The following HSPG2 variants were observed in gnomAD, a reference collection of about 807,000 sequenced individuals.
The protein encoded by HSPG2 is heparan sulfate proteoglycan 2.
HSPG2 carries 278 observed loss-of-function variants against 526.6 expected under a neutral mutation model. That is an observed-to-expected ratio of 0.53 (90% confidence interval 0.48 to 0.58). The LOEUF is 0.58. HSPG2 is among the 20% of genes least tolerant of loss of function. HSPG2 has a pLI of 0.00. For synonymous variants in HSPG2, 2,465 were observed against 2,555.4 expected (o/e 0.96, Z 1.07); for missense variants, 5,354 against 6,099.5 (o/e 0.88, Z 4.07).
chr1:21,884,683 C>T lies in HSPG2; in HGVS notation c.1508-9G>A, dbSNP rs538216424. The T allele has an allele frequency of 3.7e-5, 60 of 1,610,686 alleles. No individual in the cohort carries two copies. The East Asian group carries it at 1.1e-3, about 29-fold the overall frequency. On this transcript the variant is annotated splice_polypyrimidine_tract_variant and intron_variant, in intron 12 of 96. Coordinates refer to ENST00000374695, the MANE Select transcript of HSPG2 (RefSeq NM_005529.7). The stretch of plus-strand genomic sequence containing the variant: ...GCCGTCAGGGCAGGGGCCTGCTGGG[C>T]GGCATGGGCGGGGGCTGCAGCCGGC...
intron 83 of HSPG2, 40 bp from the exon 84 acceptor site, chr1:21,831,364 T>G: frequency 6.3e-7 from 1 of 1,595,410 alleles, no homozygotes. Context: ...GGGCAGGGTG[T>G]CCCAGCCCAT....
rs559108877 is a variant in HSPG2 at position 21,887,811 on chromosome 1, C to T, written c.703+127G>A. The T allele has an allele frequency of 1.3e-6, 2 of 1,569,730 alleles. No homozygotes were observed. Among genetic ancestry groups the T allele is most frequent in the Admixed American group, 1.7e-5 (1 of 59,910 alleles). ...CCCCCTGCCTGGCTCTGTCATCACC[C>T]TTCCTATGCCCCCATCCTCTGCCTG... On this transcript the variant is annotated intron_variant, in intron 7 of 96. Transcript: ENST00000374695. This position sits in a 1 kb window ranked among gnomAD's most constrained non-coding sequence, Gnocchi z 5.0.
chr1:21,872,956 G>A lies in HSPG2; in HGVS notation c.3888+41C>T, dbSNP rs79545095. 3.7e-3 allele frequency: 5,830 copies of A among 1,584,840 alleles called. 203 individuals carry two copies. In the African/African-American group the frequency reaches 0.069, roughly 19 times the overall value. The stretch of plus-strand genomic sequence containing the variant: ...GATTTCCCCGCAGGGTCTGGGCAGC[G>A]GGGCAGAGCAGGCCCCGCAGGGACA... On this transcript the variant is annotated intron_variant, in intron 31 of 96. Transcript: ENST00000374695. This position sits in a 1 kb window ranked among gnomAD's most constrained non-coding sequence, Gnocchi z 5.5.
rs1469802400 is a variant in HSPG2, at chr1:21,854,351, A to G, written c.6289-8T>C. The G allele has an allele frequency of 6.4e-7, 1 of 1,563,462 alleles. No homozygotes were observed. Among genetic ancestry groups the G allele is most frequent in the South Asian group, 1.2e-5 (1 of 85,008 alleles). On this transcript the variant is annotated splice_polypyrimidine_tract_variant and splice_region_variant and intron_variant, in intron 49 of 96. Transcript: ENST00000374695. ...CAGACGGGAGCCGTGCACCTGGGCC[A>G]GGAGGAGCCAGAGGTACGTGAGGAC...
chr1:21,847,303 C>G lies in HSPG2; in HGVS notation c.8164+51G>C. Reference sequence around the variant, plus strand: ...ACTCTGACCTGAAAGTTCCTTCTCCCCAGGGAACACTGTTGCCTGCATCCC... The same window carrying G: ...ACTCTGACCTGAAAGTTCCTTCTCCGCAGGGAACACTGTTGCCTGCATCCC... On this transcript the variant is annotated intron_variant, in intron 62 of 96. Coordinates refer to ENST00000374695, the MANE Select transcript of HSPG2 (RefSeq NM_005529.7). The surrounding 1 kb of genome is among the most constrained non-coding windows in gnomAD (Gnocchi z 4.1). 1 of 1,608,296 alleles carries G rather than the reference C, an allele frequency of 6.2e-7. No individual in the cohort carries two copies.
chr1:21,882,042 G>A (rs2152756417), intron 13 of HSPG2, among the ~76,000 whole-genome samples: 1 of 152,126 alleles, frequency 6.6e-6, no homozygotes, highest in South Asian at 2.1e-4. Flanking sequence ...CATGCTCTGG[G>A]AAAGTCAATG....
chr1:21,896,065 A>T, intron 2 of HSPG2, 99 bp from the exon 3 acceptor site: 1 of 1,595,974 alleles, frequency 6.3e-7, no homozygotes, highest in South Asian at 1.1e-5. Context: ...ACAGTGGGAC[A>T]GGGTTGAGAA....
At position 21,865,266 on chromosome 1, in the gene HSPG2, A is replaced by T. The variant is rs2152736761; in HGVS notation, c.4395+19T>A. On this transcript the variant is annotated intron_variant, in intron 35 of 96. Coordinates refer to ENST00000374695, the MANE Select transcript of HSPG2 (RefSeq NM_005529.7). This position sits in a 1 kb window ranked among gnomAD's most constrained non-coding sequence, Gnocchi z 5.4. ...AGGGTGGGGTGGGGTTAGACACAGCATGGCCAGGTGCCCCTTACCTCTCGG... is the reference window on the plus strand; with the variant it reads ...AGGGTGGGGTGGGGTTAGACACAGCTTGGCCAGGTGCCCCTTACCTCTCGG... 6.2e-7 allele frequency: 1 copy of T among 1,612,446 alleles called. No individual in the cohort carries two copies. Among genetic ancestry groups the T allele is most frequent in the East Asian group, 2.2e-5 (1 of 44,856 alleles).
In HSPG2 at chr1:21,913,138, G is replaced by A. The variant is rs114429065; in HGVS notation, c.64-16828C>T. On this transcript the variant is annotated intron_variant, in intron 1 of 96. Transcript: ENST00000374695. ...TAACAAAGGGTCATTTACCTTTCAC[G>A]AAGCCACCTCCTCCTCTCCTTGGGG... is the stretch of plus-strand genomic sequence containing the variant. Among the ~76,000 whole-genome samples, 641 of 152,200 alleles carry A rather than the reference G, an allele frequency of 4.2e-3. 5 individuals are homozygous for A. The highest frequency in any genetic ancestry group is 0.014 in the African/African-American group (591 of 41,494).
intron 9 of HSPG2, among the ~76,000 whole-genome samples, chr1:21,886,101 A>T (rs917404576): frequency 6.6e-6 from 1 of 152,226 alleles, no homozygotes; most frequent in African/African-American, 2.4e-5. Flanking sequence ...GCGAGAGGAG[A>T]CCAGGAGGTA....
chr1:21,886,776 G>A (rs1641926762), intron 9 of HSPG2, among the ~76,000 whole-genome samples: 2 of 152,124 alleles, frequency 1.3e-5, no homozygotes, highest in African/African-American at 2.4e-5. Context: ...GTGCATGGGT[G>A]GCTGGGGAGT....
intron 13 of HSPG2, among the ~76,000 whole-genome samples, chr1:21,881,868 G>A (rs939830977): frequency 4.1e-5 from 6 of 147,108 alleles, no homozygotes; most frequent in Non-Finnish European, 5.9e-5. Context: ...ACTTGAACCC[G>A]GGAGGCGGAG....
Position 21,824,004 on chromosome 1 carries a change from G to T in HSPG2, c.12899+117C>A. 1 of 1,061,916 alleles carries T rather than the reference G, an allele frequency of 9.4e-7. No individual in the cohort carries two copies. The highest frequency in any genetic ancestry group is 1.4e-6 in the Non-Finnish European group (1 of 705,806). 65.8% of individuals were successfully genotyped at this position (1,061,916 alleles called of 1,614,324 possible). A position where few individuals can be genotyped will look rare whatever the true frequency, so the allele number is the denominator to read the frequency against. ...TGGCTGGTGGGTTCTCCCCTCCCCT[G>T]GCTTCAAGTTCTGTCTCCACAGAGC... On this transcript the variant is annotated intron_variant, in intron 95 of 96. Transcript: ENST00000374695. The surrounding 1 kb of genome is among the most constrained non-coding windows in gnomAD (Gnocchi z 5.9).
At chr1:21,915,115 G>A (rs989713513) in intron 1 of HSPG2, among the ~76,000 whole-genome samples, 7 of 152,378 alleles carry the variant, frequency 4.6e-5, no homozygotes, top group South Asian at 4.1e-4. Context: ...CAGCCCTCAC[G>A]GGCACCCGGC....
intron 13 of HSPG2, among the ~76,000 whole-genome samples, chr1:21,882,426 C>T (rs1244750898): frequency 2.6e-5 from 4 of 151,918 alleles, no homozygotes; most frequent in Non-Finnish European, 5.9e-5. Context: ...CACACACACA[C>T]ACACACACAC....
chr1:21,848,530 C>T lies in HSPG2; in HGVS notation c.7737+113G>A. On this transcript the variant is annotated intron_variant, in intron 59 of 96. Coordinates refer to ENST00000374695, the MANE Select transcript of HSPG2 (RefSeq NM_005529.7). This position sits in a 1 kb window ranked among gnomAD's most constrained non-coding sequence, Gnocchi z 4.9. ...CTAGGACCCATCCAGCAAGGATACT[C>T]AATGTTTGTTGAATGACTGAATGAG... The T allele has an allele frequency of 8.0e-7, 1 of 1,256,156 alleles. No individual in the cohort carries two copies. The highest frequency in any genetic ancestry group is 2.6e-4 in the Middle Eastern group (1 of 3,784). 77.8% of individuals were successfully genotyped at this position (1,256,156 alleles called of 1,614,324 possible).
rs772378657 is a variant in HSPG2, at chr1:21,874,992, T to C, written c.3313A>G (p.Ile1105Val). 3.1e-6 allele frequency: 5 copies of C among 1,600,966 alleles called. No individual in the cohort carries two copies. The highest frequency in any genetic ancestry group is 4.3e-6 in the Non-Finnish European group (5 of 1,173,652). ...QQPAESRVSG[I>V]SMDVAVPEET... ...TCGGGCACAGCCACGTCCATGCTGA[T>C]GCCAGAGACCCTGGGCGTGACAAGA... The change falls in exon 26 of 97, where the codon ATC becomes GTC. Residue 1105 changes from isoleucine to valine, a missense_variant. Physicochemically the swap from Ile to Val is conservative, Grantham distance 29. Coordinates refer to ENST00000374695, the MANE Select transcript of HSPG2 (RefSeq NM_005529.7).
Position 21,864,646 on chromosome 1 carries a change from C to T in HSPG2, c.4626+197G>A, listed in dbSNP as rs1289048321. On this transcript the variant is annotated intron_variant, in intron 36 of 96. Coordinates refer to ENST00000374695, the MANE Select transcript of HSPG2 (RefSeq NM_005529.7). The surrounding 1 kb of genome is among the most constrained non-coding windows in gnomAD (Gnocchi z 4.8). ...GTGTGCCCTTGGGACACACTCACCC[C>T]TCAGCACCTCTATTTTTTTACCTGT... Among the ~76,000 whole-genome samples, 7 of 152,250 alleles carry T rather than the reference C, an allele frequency of 4.6e-5. No individual in the cohort carries two copies. Among genetic ancestry groups the T allele is most frequent in the African/African-American group, 1.7e-4 (7 of 41,456 alleles).
chr1:21,863,255 C>A (rs1289965173), intron 37 of HSPG2, among the ~76,000 whole-genome samples: 1 of 150,826 alleles, frequency 6.6e-6, no homozygotes, highest in African/African-American at 2.4e-5. Flanking sequence ...CGCCTGTAGT[C>A]CCAGCTACTC....
Sources: allele counts gnomAD v4.1 joint callset (sites outside exome capture counted in the v4.1 genomes callset), GRCh38; gene constraint gnomAD v4.1.1; non-coding constraint Gnocchi (gnomAD v3.1); transcripts MANE v1.5; gene names NCBI Gene and HGNC (gene_info 2026-07-23, HGNC 2026-07-21).